Variants in DTX3L observed in about 807,000 individuals in gnomAD.
DTX3L encodes the protein E3 ubiquitin-protein ligase DTX3L.
In DTX3L, 34 loss-of-function variants were observed where a neutral mutation model predicts 60.9. The ratio of observed to expected loss-of-function variants is 0.56; its 90% CI spans 0.42 to 0.74. The LOEUF is 0.74. Among genes scored for constraint, DTX3L ranks in the 30% least tolerant of loss-of-function variants. The pLI is 0.00. For synonymous variants in DTX3L, 290 were observed against 316.6 expected, an observed-to-expected ratio of 0.92 and a Z score of 0.89; for missense variants, 810 against 874.0, an observed-to-expected ratio of 0.93 and a Z score of 0.92.
In DTX3L at chr3:122,564,430, G is replaced by A; in HGVS notation, c.4G>A (p.Ala2Thr). Residue 2 changes from alanine to threonine, a missense_variant, in exon 1 of 5, where the codon GCC becomes ACC. By Grantham distance (58) the Ala-to-Thr change is moderately conservative. Transcript: ENST00000296161. ...CGCCCTCCCGACGCGCAGAGCCATG[G>A]CCTCCCACCTGCGCCCGCCGTCCCC... M[A>T]SHLRPPSPLL... 1 of 1,608,790 alleles carries A rather than the reference G, an allele frequency of 6.2e-7. No homozygotes were observed. The highest frequency in any genetic ancestry group is 8.5e-7 in the Non-Finnish European group (1 of 1,178,186).
Position 122,564,501 on chromosome 3 carries a change from G to A in DTX3L, c.75G>A (p.Lys25=). Residue 25 remains lysine (K), a synonymous_variant, in exon 1 of 5, where the codon AAG becomes AAA. Coordinates refer to ENST00000296161, the MANE Select transcript of DTX3L (RefSeq NM_138287.3). ...VYKSGPRVRR[K]LESYFQSSKS... ...AGTCCGGCCCCCGAGTACGAAGGAA[G>A]CTGGAGAGCTACTTCCAGAGCTCTA... 6.2e-7 allele frequency: 1 copy of A among 1,613,000 alleles called. No individual in the cohort carries two copies. Among genetic ancestry groups the A allele is most frequent in the Non-Finnish European group, 8.5e-7 (1 of 1,179,446 alleles).
intron 2 of DTX3L, among the ~76,000 whole-genome samples, chr3:122,567,990 TG>T (rs1559902198): frequency 6.6e-6 from 1 of 152,170 alleles, no homozygotes; most frequent in Admixed American, 6.5e-5. Context: ...TGAGAACCTC[TG>T]GGATGTAGCG....
At chr3:122,564,858 C>T (rs961160726) in intron 1 of DTX3L, among the ~76,000 whole-genome samples, 1 of 152,196 alleles carries the variant, frequency 6.6e-6, no homozygotes, top group Non-Finnish European at 1.5e-5. Context: ...GGATGCTTTC[C>T]ATATCCTCAT....
Position 122,564,344 on chromosome 3 carries a change from T to A in DTX3L, c.-83T>A. On this transcript the variant is annotated 5_prime_UTR_variant, in exon 1 of 5. The change creates a new upstream start codon in the 5' untranslated region. Coordinates refer to ENST00000296161, the MANE Select transcript of DTX3L (RefSeq NM_138287.3). Reference sequence around the variant, plus strand: ...CCTCCAGGGAAGCGAAACTGAAACTTTGCGCCCAGTCCGCAGGGCGGGCCG... The same window carrying A: ...CCTCCAGGGAAGCGAAACTGAAACTATGCGCCCAGTCCGCAGGGCGGGCCG... 6.9e-7 allele frequency: 1 copy of A among 1,455,812 alleles called. No individual in the cohort carries two copies. Among genetic ancestry groups the A allele is most frequent in the East Asian group, 2.5e-5 (1 of 40,144 alleles). The allele number at this position is 1,455,812 out of a possible 1,614,324, so 90.2% of individuals were successfully genotyped here.
intron 1 of DTX3L, among the ~76,000 whole-genome samples, chr3:122,564,971 C>T (rs2080535433): frequency 6.6e-6 from 1 of 152,116 alleles, no homozygotes; most frequent in African/African-American, 2.4e-5. Context: ...ATAATGGTTC[C>T]ATTGTTCCAT....
At chr3:122,571,407 T>C (rs1183559824) in intron 4 of DTX3L, among the ~76,000 whole-genome samples, 2 of 152,200 alleles carry the variant, frequency 1.3e-5, no homozygotes, top group African/African-American at 4.8e-5. Context: ...TGCCCTTTGA[T>C]GCGAAATGTA....
chr3:122,570,176 A>G (rs1243065851), intron 3 of DTX3L, 152 bp downstream of exon 3: 1 of 849,706 alleles, frequency 1.2e-6, no homozygotes, highest in Admixed American at 2.6e-5. Context: ...AAAGGTCACA[A>G]TGTTTGCTGG....
intron 2 of DTX3L, among the ~76,000 whole-genome samples, chr3:122,566,768 C>A (rs1286477260): frequency 6.6e-6 from 1 of 152,142 alleles, no homozygotes; most frequent in Admixed American, 6.5e-5. Flanking sequence ...ATATCCACTG[C>A]CTACTGTGTT....
rs1219532518 is a variant in DTX3L at position 122,569,499 on chromosome 3, T to A, written c.1410T>A (p.Phe470Leu). Reference protein sequence around the residue: ...KERKHLHQTKFADDFRKRHPN... With the variant: ...KERKHLHQTKLADDFRKRHPN... ...GAAAGCACTTACATCAGACCAAGTT[T>A]GCTGATGACTTTAGAAAAAGACATC... Residue 470 changes from phenylalanine to leucine, a missense_variant, in exon 3 of 5, where the codon TTT (phenylalanine) becomes TTA (leucine). Phe to Leu is a conservative substitution (Grantham distance 22, BLOSUM62 0). Transcript: ENST00000296161. The A allele has an allele frequency of 1.2e-6, 2 of 1,614,088 alleles. No homozygotes were observed. Among genetic ancestry groups the A allele is most frequent in the Non-Finnish European group, 8.5e-7 (1 of 1,180,030 alleles).
At chr3:122,565,045 A>G (rs1471954996) in intron 1 of DTX3L, among the ~76,000 whole-genome samples, 2 of 152,234 alleles carry the variant, frequency 1.3e-5, no homozygotes, top group Admixed American at 1.3e-4. Context: ...TATGCTCACT[A>G]TAGAAATAAA....
At position 122,564,349 on chromosome 3, in the gene DTX3L, C is replaced by G. The variant is rs2080502698; in HGVS notation, c.-78C>G. ...AGGGAAGCGAAACTGAAACTTTGCG[C>G]CCAGTCCGCAGGGCGGGCCGCGCCT... is the stretch of plus-strand genomic sequence containing the variant. On this transcript the variant is annotated 5_prime_UTR_variant, in exon 1 of 5. Transcript: ENST00000296161. 6.8e-7 allele frequency: 1 copy of G among 1,472,176 alleles called. No individual in the cohort carries two copies. Among genetic ancestry groups the G allele is most frequent in the African/African-American group, 1.4e-5 (1 of 70,310 alleles). The allele number at this position is 1,472,176 out of a possible 1,614,324, so 91.2% of individuals were successfully genotyped here. A position where few individuals can be genotyped will look rare whatever the true frequency, so the allele number is the denominator to read the frequency against.
In DTX3L at chr3:122,564,601, A is replaced by G; in HGVS notation, c.175A>G (p.Ser59Gly). The G allele has an allele frequency of 1.9e-6, 3 of 1,597,274 alleles. No homozygotes were observed. The highest frequency in any genetic ancestry group is 2.6e-6 in the Non-Finnish European group (3 of 1,172,632). ...EAPGTFRVEF[S>G]ERAAKERVLK... ...CCCGGGCACCTTCCGGGTGGAGTTCAGTGAAAGGGCAGGTGAGCTTCGGGC... is the reference window on the plus strand; with the variant it reads ...CCCGGGCACCTTCCGGGTGGAGTTCGGTGAAAGGGCAGGTGAGCTTCGGGC... The change falls in exon 1 of 5, where the codon AGT (serine) becomes GGT (glycine). Residue 59 changes from serine to glycine, a missense_variant. Physicochemically the swap from Ser to Gly is moderately conservative, Grantham distance 56 (BLOSUM62 0). Transcript: ENST00000296161.
chr3:122,574,245 C>T lies in DTX3L; in HGVS notation c.*2498C>T, dbSNP rs2107784120. 1 of 152,194 alleles carries T rather than the reference C, an allele frequency of 6.6e-6. No homozygotes were observed. The highest frequency in any genetic ancestry group is 3.4e-3 in the Middle Eastern group (1 of 296). 9.4% of individuals were successfully genotyped at this position (152,194 alleles called of 1,614,324 possible). On this transcript the variant is annotated 3_prime_UTR_variant, in exon 5 of 5. Coordinates refer to ENST00000296161, the MANE Select transcript of DTX3L (RefSeq NM_138287.3). ...TAGTTTTTCAGCTCTTTACTAAGTC[C>T]CACCAATTCATGTTTTCACCCTTAA...
At chr3:122,570,061 A>G (rs1160718288) in intron 3 of DTX3L, 37 bp downstream of exon 3, 4 of 1,599,334 alleles carry the variant, frequency 2.5e-6, no homozygotes, top group African/African-American at 1.3e-5. Flanking sequence ...TCTTGCCACT[A>G]TGCTACGATT....
In DTX3L at chr3:122,571,874, T is replaced by C. The variant is rs1358953799; in HGVS notation, c.*127T>C. On this transcript the variant is annotated 3_prime_UTR_variant, in exon 5 of 5. Transcript: ENST00000296161. ...ATTTTTCTTCTCAAGAAATGGTTTG[T>C]ATAAGAATAACAATCTGCTAGTCTG... The C allele has an allele frequency of 6.6e-6, 5 of 752,684 alleles. No individual in the cohort carries two copies. The highest frequency in any genetic ancestry group is 1.1e-5 in the Non-Finnish European group (5 of 474,278). 46.6% of individuals were successfully genotyped at this position (752,684 alleles called of 1,614,324 possible). A position where few individuals can be genotyped will look rare whatever the true frequency, so the allele number is the denominator to read the frequency against.
In DTX3L at chr3:122,572,402, GT is replaced by G. The variant is rs2080652236; in HGVS notation, c.*661del. 6.6e-6 allele frequency: 1 copy of G among 152,114 alleles called. No individual in the cohort carries two copies. Among genetic ancestry groups the G allele is most frequent in the African/African-American group, 2.4e-5 (1 of 41,492 alleles). 9.4% of individuals were successfully genotyped at this position (152,114 alleles called of 1,614,324 possible). ...TTGCCATCTCTGGGGTGGTTCTTTGGTTTTTTGTGTGTTTTCCCCTTCATCT... is the reference window on the plus strand; with the variant it reads ...TTGCCATCTCTGGGGTGGTTCTTTGGTTTTTGTGTGTTTTCCCCTTCATCT... On this transcript the variant is annotated 3_prime_UTR_variant, in exon 5 of 5. Transcript: ENST00000296161.
Position 122,569,152 on chromosome 3 carries a change from C to A in DTX3L, c.1063C>A (p.Gln355Lys). 1 of 1,614,136 alleles carries A rather than the reference C, an allele frequency of 6.2e-7. No homozygotes were observed. Residue 355 changes from glutamine to lysine, a missense_variant, in exon 3 of 5, where the codon CAA (glutamine) becomes AAA (lysine). Physicochemically the swap from Gln to Lys is moderately conservative, Grantham distance 53. Transcript: ENST00000296161. Reference sequence around the variant, plus strand: ...CCAAGATGACATTTCAGCTGCCAAACAAAAAATCTCTGAAGCTTTTGTCAA... The same window carrying A: ...CCAAGATGACATTTCAGCTGCCAAAAAAAAAATCTCTGAAGCTTTTGTCAA... ...GTQDDISAAK[Q>K]KISEAFVKIP... is the part of the protein sequence containing the mutation.
At position 122,569,677 on chromosome 3, in the gene DTX3L, A is replaced by C; in HGVS notation, c.1588A>C (p.Ile530Leu). ...LKEGHETPMDIDSDDSKAASP... is the reference protein window; with the variant it reads ...LKEGHETPMDLDSDDSKAASP... ...AGAGGGTCATGAAACACCGATGGAC[A>C]TTGATAGCGATGATTCCAAAGCAGC... is the stretch of plus-strand genomic sequence containing the variant. Residue 530 changes from isoleucine (I) to leucine (L), a missense_variant, in exon 3 of 5, where the codon ATT (isoleucine) becomes CTT (leucine). Ile to Leu is a conservative substitution (Grantham distance 5). Transcript: ENST00000296161. 1 of 1,614,216 alleles carries C rather than the reference A, an allele frequency of 6.2e-7. No individual in the cohort carries two copies. The highest frequency in any genetic ancestry group is 8.5e-7 in the Non-Finnish European group (1 of 1,180,036).
rs776104001 is a variant in DTX3L at position 122,568,855 on chromosome 3, T to G, written c.766T>G (p.Ser256Ala). The G allele has an allele frequency of 1.9e-6, 3 of 1,613,984 alleles. No homozygotes were observed. The Admixed American group carries it at 5.0e-5, about 27-fold the overall frequency. Reference protein sequence around the residue: ...FKYICPDKINSIEKRFGVNIE... With the variant: ...FKYICPDKINAIEKRFGVNIE... ...ATATATCTGTCCTGATAAAATCAACTCAATAGAGAAAAGATTTGGTGTAAA... is the reference window on the plus strand; with the variant it reads ...ATATATCTGTCCTGATAAAATCAACGCAATAGAGAAAAGATTTGGTGTAAA... The change falls in exon 3 of 5, where the codon TCA becomes GCA. Residue 256 changes from serine to alanine, a missense_variant. By Grantham distance (99) the Ser-to-Ala change is moderately conservative. Coordinates refer to ENST00000296161, the MANE Select transcript of DTX3L (RefSeq NM_138287.3).
Sources: allele counts gnomAD v4.1 joint callset (sites outside exome capture counted in the v4.1 genomes callset), GRCh38; gene constraint gnomAD v4.1.1; transcripts MANE v1.5; gene names NCBI Gene and HGNC (gene_info 2026-07-23, HGNC 2026-07-21).